The following UGT1A10 variants were observed in gnomAD, a reference collection of about 807,000 sequenced individuals.
UGT1A10 encodes the protein UDP-glucuronosyltransferase 1A10.
UGT1A10 carries 49 observed loss-of-function variants against 45.8 expected under a neutral mutation model. The observed-to-expected ratio is 1.07, with a 90% CI of 0.85 to 1.36. The LOEUF is 1.36. Ranked by LOEUF, UGT1A10 falls within the 40% of genes most tolerant of loss-of-function variation. The pLI is 0.00. For missense variants in UGT1A10, 745 were observed against 668.6 expected, an observed-to-expected ratio of 1.11 and a Z score of -1.26; for synonymous variants, 284 against 249.7, an observed-to-expected ratio of 1.14 and a Z score of -1.29.
chr2:233,729,265 G>A (rs761772546), intron 1 of UGT1A10: 3 of 1,614,128 alleles, frequency 1.9e-6, no homozygotes, highest in East Asian at 2.2e-5. Flanking sequence ...CATGCGGGAG[G>A]TCTTGCGGGA....
chr2:233,638,947 C>G (rs569261768), intron 1 of UGT1A10, among the ~76,000 whole-genome samples: 8 of 152,336 alleles, frequency 5.3e-5, no homozygotes, highest in African/African-American at 1.9e-4. Flanking sequence ...AAGCACTTTT[C>G]TCCTCGTTAT....
intron 1 of UGT1A10, chr2:233,693,522 G>T: frequency 4.3e-6 from 7 of 1,614,162 alleles, no homozygotes; most frequent in Non-Finnish European, 5.1e-6. Flanking sequence ...CTCTTCAGGG[G>T]TTTTCCGTGT....
At chr2:233,744,688 T>C (rs1692891145) in intron 1 of UGT1A10, among the ~76,000 whole-genome samples, 1 of 151,894 alleles carries the variant, frequency 6.6e-6, no homozygotes, top group Admixed American at 6.5e-5. Flanking sequence ...ATGTAGCTTC[T>C]GGAAAACTCC....
At position 233,773,233 on chromosome 2, in the gene UGT1A10, G is replaced by A. The variant is rs1473113676; in HGVS notation, c.*674G>A. 1 of 152,016 alleles carries A rather than the reference G, an allele frequency of 6.6e-6. No homozygotes were observed. The highest frequency in any genetic ancestry group is 1.5e-5 in the Non-Finnish European group (1 of 67,958). The allele number at this position is 152,016 out of a possible 1,614,324, so 9.4% of individuals were successfully genotyped here. ...CCCAAAATACAGCTATGAAGTGCTGGGCAAGTTTACTTTTTTTCTGATGTT... is the reference window on the plus strand; with the variant it reads ...CCCAAAATACAGCTATGAAGTGCTGAGCAAGTTTACTTTTTTTCTGATGTT... On this transcript the variant is annotated 3_prime_UTR_variant, in exon 5 of 5. Transcript: ENST00000344644.
At chr2:233,690,799 A>C (rs2075016587) in intron 1 of UGT1A10, 2 of 1,084,250 alleles carry the variant, frequency 1.8e-6, no homozygotes, top group Non-Finnish European at 2.3e-6. Flanking sequence ...ACACACACAC[A>C]CCATTCTTAG....
At chr2:233,756,794 A>G (rs1409639482) in intron 1 of UGT1A10, among the ~76,000 whole-genome samples, 1 of 152,086 alleles carries the variant, frequency 6.6e-6, no homozygotes, top group Admixed American at 6.5e-5. Flanking sequence ...GTGGGGCAAT[A>G]CACTAGTAAA....
At chr2:233,693,985 A>C (rs1444148236) in intron 1 of UGT1A10, 2 of 1,547,132 alleles carry the variant, frequency 1.3e-6, no homozygotes, top group Admixed American at 3.8e-5. Flanking sequence ...GGTGGGGGGA[A>C]GTGATACCCG....
intron 1 of UGT1A10, chr2:233,729,723 A>G (rs563184062): frequency 1.2e-5 from 19 of 1,613,938 alleles, no homozygotes; most frequent in African/African-American, 8.0e-5. Context: ...GATTACTAAC[A>G]ACCAATTCAG....
chr2:233,757,475 A>T (rs1291183794), intron 1 of UGT1A10, among the ~76,000 whole-genome samples: 1 of 148,302 alleles, frequency 6.7e-6, no homozygotes, highest in Non-Finnish European at 1.5e-5. Context: ...CTGTCTCCAA[A>T]ACCATGGACT....
intron 3 of UGT1A10, 72 bp downstream of exon 3, chr2:233,768,008 C>A (rs1699546066): frequency 1.9e-6 from 3 of 1,613,978 alleles, no homozygotes; most frequent in Admixed American, 1.7e-5. Context: ...CACAGCTATT[C>A]TAAAGGATTG....
At chr2:233,694,209 T>C (rs2075205293) in intron 1 of UGT1A10, among the ~76,000 whole-genome samples, 1 of 152,148 alleles carries the variant, frequency 6.6e-6, no homozygotes. Flanking sequence ...AAAATCCATT[T>C]TCCCAACTCT....
At chr2:233,676,183 A>G (rs558904724) in intron 1 of UGT1A10, among the ~76,000 whole-genome samples, 11 of 152,186 alleles carry the variant, frequency 7.2e-5, no homozygotes, top group Admixed American at 6.5e-4. Context: ...TCATCCAGCC[A>G]CCTCCCACCA....
At chr2:233,674,844 C>T (rs10189426) in intron 1 of UGT1A10, among the ~76,000 whole-genome samples, 12,360 of 152,166 alleles carry the variant, frequency 0.081, 832 homozygotes, top group East Asian at 0.17. Context: ...TATGGCCCAA[C>T]CACAGAAGTA....
chr2:233,726,096 G>T (rs1250649132), intron 1 of UGT1A10, among the ~76,000 whole-genome samples: 3 of 152,168 alleles, frequency 2.0e-5, no homozygotes, highest in African/African-American at 7.2e-5. Flanking sequence ...ATCCGAGGAG[G>T]TGGAGGCTGC....
At chr2:233,762,564 C>T (rs537495402) in intron 1 of UGT1A10, among the ~76,000 whole-genome samples, 6 of 152,312 alleles carry the variant, frequency 3.9e-5, no homozygotes, top group African/African-American at 1.4e-4. Context: ...GAGATCTAGT[C>T]TAGTTCCCCA....
chr2:233,719,246 T>C (rs1449809732), intron 1 of UGT1A10: 8 of 1,614,096 alleles, frequency 5.0e-6, no homozygotes, highest in Non-Finnish European at 6.8e-6. Flanking sequence ...GGCACCTGAA[T>C]GCTACTTCCT....
Position 233,697,763 on chromosome 2 carries a change from C to T in UGT1A10, c.855+60386C>T, listed in dbSNP as rs369602705. On this transcript the variant is annotated intron_variant, in intron 1 of 4. Coordinates refer to ENST00000344644, the MANE Select transcript of UGT1A10 (RefSeq NM_019075.4). ...TTGCTATAGCCCATAGATTTTGATACATTGTGTTTCCATTTTCATTCGTTT... is the reference window on the plus strand; with the variant it reads ...TTGCTATAGCCCATAGATTTTGATATATTGTGTTTCCATTTTCATTCGTTT... Among the ~76,000 whole-genome samples the T allele has an allele frequency of 3.3e-5, 5 of 151,988 alleles. No homozygotes were observed. The South Asian group carries it at 1.0e-3, about 32-fold the overall frequency.
In UGT1A10 at chr2:233,740,213, C is replaced by G. The variant is rs984335401; in HGVS notation, c.856-26821C>G. On this transcript the variant is annotated intron_variant, in intron 1 of 4. Coordinates refer to ENST00000344644, the MANE Select transcript of UGT1A10 (RefSeq NM_019075.4). Reference sequence around the variant, plus strand: ...CTTTCTTTTATAAATTACCCAGTCTCAGCTGCGTCTTTATAGCAGGCTGAG... The same window carrying G: ...CTTTCTTTTATAAATTACCCAGTCTGAGCTGCGTCTTTATAGCAGGCTGAG... Among the ~76,000 whole-genome samples the G allele has an allele frequency of 9.6e-4, 146 of 151,922 alleles. 3 individuals are homozygous for G. Among genetic ancestry groups the G allele is most frequent in the African/African-American group, 3.4e-3 (142 of 41,200 alleles).
At chr2:233,707,162 C>A (rs2075944587) in intron 1 of UGT1A10, among the ~76,000 whole-genome samples, 1 of 152,100 alleles carries the variant, frequency 6.6e-6, no homozygotes, top group Non-Finnish European at 1.5e-5. Context: ...TTATCAGCAC[C>A]CAGACATCCA....
Sources: allele counts gnomAD v4.1 joint callset (sites outside exome capture counted in the v4.1 genomes callset), GRCh38; gene constraint gnomAD v4.1.1; transcripts MANE v1.5; gene names NCBI Gene and HGNC (gene_info 2026-07-23, HGNC 2026-07-21).